The following AGPAT3 variants were observed in gnomAD, a reference collection of about 807,000 sequenced individuals.
The protein encoded by AGPAT3 is 1-acyl-sn-glycerol-3-phosphate acyltransferase gamma.
Under a neutral mutation model 47.3 loss-of-function variants are expected in AGPAT3, and 5 were observed. The ratio of observed to expected loss-of-function variants is 0.11; its 90% CI spans 0.06 to 0.22. The LOEUF (loss-of-function observed/expected upper bound fraction) is 0.22. Ranked by LOEUF, AGPAT3 falls within the 10% of genes least tolerant of loss-of-function variation. The pLI is 1.00. For missense variants in AGPAT3, 315 were observed against 493.0 expected (o/e 0.64, Z 3.42); for synonymous variants, 212 against 208.3 (o/e 1.02, Z -0.15).
intron 1 of AGPAT3, among the ~76,000 whole-genome samples, chr21:43,899,830 C>G (rs938840033): frequency 7.9e-5 from 12 of 152,238 alleles, no homozygotes; most frequent in African/African-American, 2.9e-4. Flanking sequence ...GGTAGAGATT[C>G]GTGACCCAGC....
rs111231542 is a variant in AGPAT3, at chr21:43,959,604, C to A, written c.-48-30C>A. On this transcript the variant is annotated intron_variant, in intron 2 of 9. Transcript: ENST00000291572. ...CTGTGAGGGTGTGGGCGTGGCCACC[C>A]TGACGCTGTCCCTGTCCCTGTCTTT... 3.1e-6 allele frequency: 5 copies of A among 1,595,904 alleles called. No homozygotes were observed. In the African/African-American group the frequency reaches 6.7e-5, roughly 21 times the overall value.
intron 2 of AGPAT3, among the ~76,000 whole-genome samples, chr21:43,950,462 A>G (rs1192324008): frequency 6.6e-6 from 1 of 152,254 alleles, no homozygotes; most frequent in Non-Finnish European, 1.5e-5. Flanking sequence ...TTTAAACCTC[A>G]AAATAGGATT....
chr21:43,928,868 T>G (rs2146259685), intron 2 of AGPAT3, among the ~76,000 whole-genome samples: 1 of 152,274 alleles, frequency 6.6e-6, no homozygotes, highest in East Asian at 1.9e-4. Context: ...CCCACACCAA[T>G]CCTCTTTTTG....
chr21:43,958,811 AGTGT>A (rs756428787), intron 2 of AGPAT3, among the ~76,000 whole-genome samples: 20 of 87,166 alleles, frequency 2.3e-4, no homozygotes, highest in African/African-American at 9.0e-4. Flanking sequence ...CAGTGTGTGT[AGTGT>A]GTGTGGTTTG....
chr21:43,969,844 C>T (rs1036395302), intron 5 of AGPAT3, among the ~76,000 whole-genome samples: 2 of 151,986 alleles, frequency 1.3e-5, no homozygotes, highest in Non-Finnish European at 2.9e-5. Flanking sequence ...ATTACAGGTG[C>T]GTGCCACCAC....
intron 1 of AGPAT3, among the ~76,000 whole-genome samples, chr21:43,865,843 C>CA (rs2085493485): frequency 6.6e-6 from 1 of 152,052 alleles, no homozygotes. Flanking sequence ...GGACCCCCCC[C>CA]AGGGGCCTCC....
chr21:43,894,330 T>C (rs1424852001), intron 1 of AGPAT3, among the ~76,000 whole-genome samples: 1 of 152,042 alleles, frequency 6.6e-6, no homozygotes, highest in Non-Finnish European at 1.5e-5. Context: ...TGATCATTTT[T>C]TTGGTGGTGG....
intron 3 of AGPAT3, chr21:43,966,258 G>C (rs767716092): frequency 6.6e-6 from 1 of 152,376 alleles, no homozygotes; most frequent in Non-Finnish European, 1.5e-5. Context: ...CATGGGGAGT[G>C]TGCCTGTGTC....
At chr21:43,964,512 C>T (rs758413200) in intron 3 of AGPAT3, among the ~76,000 whole-genome samples, 61 of 151,738 alleles carry the variant, frequency 4.0e-4, no homozygotes, top group Non-Finnish European at 8.1e-4. Flanking sequence ...TTAATGGTAA[C>T]TTTGTTAAGT....
At chr21:43,888,484 G>A (rs754416870) in intron 1 of AGPAT3, among the ~76,000 whole-genome samples, 2 of 152,156 alleles carry the variant, frequency 1.3e-5, no homozygotes, top group Non-Finnish European at 2.9e-5. Context: ...CGTGGCACAC[G>A]TTTACCTGTG....
At position 43,960,002 on chromosome 21, in the gene AGPAT3, G is replaced by A. The variant is rs1004349492; in HGVS notation, c.178+143G>A. 127 of 855,210 alleles carry A rather than the reference G, an allele frequency of 1.5e-4. 2 individuals carry two copies. The Admixed American group carries it at 2.8e-3, about 19-fold the overall frequency. 53.0% of individuals were successfully genotyped at this position (855,210 alleles called of 1,614,324 possible). A position where few individuals can be genotyped will look rare whatever the true frequency, so the allele number is the denominator to read the frequency against. Reference sequence around the variant, plus strand: ...GAGGCCATCTGGCTGGCAGGCTGTCGGAAGGCACCTGGCTACCTCTTTTTC... The same window carrying A: ...GAGGCCATCTGGCTGGCAGGCTGTCAGAAGGCACCTGGCTACCTCTTTTTC... On this transcript the variant is annotated intron_variant, in intron 3 of 9. Transcript: ENST00000291572.
At position 43,889,416 on chromosome 21, in the gene AGPAT3, G is replaced by A. The variant is rs546482701; in HGVS notation, c.-111-14541G>A. Reference sequence around the variant, plus strand: ...ATGTTGCCAGTTACAGTGAACTTGTGGCTTTCCCCTTTTGATTTGTTAATA... The same window carrying A: ...ATGTTGCCAGTTACAGTGAACTTGTAGCTTTCCCCTTTTGATTTGTTAATA... On this transcript the variant is annotated intron_variant, in intron 1 of 9. Coordinates refer to ENST00000291572, the MANE Select transcript of AGPAT3 (RefSeq NM_020132.5). Among the ~76,000 whole-genome samples the A allele has an allele frequency of 8.6e-5, 13 of 151,984 alleles. No individual in the cohort carries two copies. The East Asian group carries it at 2.5e-3, about 29-fold the overall frequency.
intron 2 of AGPAT3, among the ~76,000 whole-genome samples, chr21:43,906,592 C>T (rs1295544767): frequency 6.6e-6 from 1 of 151,992 alleles, no homozygotes; most frequent in East Asian, 1.9e-4. Context: ...ACGCTTGTTC[C>T]TCATGGTGGC....
At position 43,922,525 on chromosome 21, in the gene AGPAT3, G is replaced by C. The variant is rs1421661482; in HGVS notation, c.-49+18506G>C. The stretch of plus-strand genomic sequence containing the variant: ...CAAGGCAGGCAGCACGTGGAGGAGA[G>C]TGTCCCTGTGTCCCTGGAAGAGAGG... On this transcript the variant is annotated intron_variant, in intron 2 of 9. Coordinates refer to ENST00000291572, the MANE Select transcript of AGPAT3 (RefSeq NM_020132.5). This position sits in a 1 kb window ranked among gnomAD's most constrained non-coding sequence, Gnocchi z 4.9. Among the ~76,000 whole-genome samples the C allele has an allele frequency of 6.6e-6, 1 of 152,184 alleles. No individual in the cohort carries two copies. Among genetic ancestry groups the C allele is most frequent in the Non-Finnish European group, 1.5e-5 (1 of 68,030 alleles).
chr21:43,978,020 T>G (rs753507089), intron 7 of AGPAT3, 26 bp from the exon 8 acceptor site: 1 of 1,599,814 alleles, frequency 6.3e-7, no homozygotes, highest in South Asian at 1.1e-5. Context: ...TGATTCACCC[T>G]ACCTTGAATC....
chr21:43,931,190 A>G (rs1476024621), intron 2 of AGPAT3, among the ~76,000 whole-genome samples: 1 of 152,088 alleles, frequency 6.6e-6, no homozygotes, highest in African/African-American at 2.4e-5. Flanking sequence ...ATGATGTCAC[A>G]CTGACACCTG....
In AGPAT3 at chr21:43,893,910, G is replaced by A. The variant is rs560499884; in HGVS notation, c.-111-10047G>A. Among the ~76,000 whole-genome samples the A allele has an allele frequency of 5.4e-4, 82 of 152,288 alleles. 1 individual carries two copies. The highest frequency in any genetic ancestry group is 1.8e-3 in the African/African-American group (76 of 41,558). ...ATAACAATCATGAAAAAGTTTGAAC[G>A]ATTGCGAAAATTACCAAAATGTGAC... On this transcript the variant is annotated intron_variant, in intron 1 of 9. Coordinates refer to ENST00000291572, the MANE Select transcript of AGPAT3 (RefSeq NM_020132.5).
At chr21:43,951,883 A>G (rs1419477854) in intron 2 of AGPAT3, among the ~76,000 whole-genome samples, 1 of 152,178 alleles carries the variant, frequency 6.6e-6, no homozygotes, top group Non-Finnish European at 1.5e-5. Flanking sequence ...CCATTCCATA[A>G]AAAGGCGTCT....
chr21:43,881,621 A>T (rs1479978976), intron 1 of AGPAT3, among the ~76,000 whole-genome samples: 1 of 152,240 alleles, frequency 6.6e-6, no homozygotes, highest in Non-Finnish European at 1.5e-5. Flanking sequence ...CGTAGAAATG[A>T]TAATATTTTG....
Sources: gnomAD v4.1 joint callset for allele counts (sites outside exome capture counted in the v4.1 genomes callset) on GRCh38, gnomAD v4.1.1 for gene constraint, Gnocchi (gnomAD v3.1) non-coding constraint, MANE v1.5 for transcripts, NCBI Gene and HGNC (gene_info 2026-07-23, HGNC 2026-07-21) for gene names.